Variants in PRKRA observed in about 807,000 individuals in gnomAD.
PRKRA encodes interferon-inducible double-stranded RNA-dependent protein kinase activator A.
PRKRA carries 22 observed loss-of-function variants against 32.4 expected under a neutral mutation model. The observed-to-expected ratio is 0.68, with a 90% CI of 0.49 to 0.97. PRKRA has a LOEUF of 0.97. Among genes scored for constraint, PRKRA ranks in the 50% least tolerant of loss-of-function variants. The pLI is 0.00. For missense variants in PRKRA, 319 were observed against 375.6 expected (o/e 0.85, Z 1.25); for synonymous variants, 139 against 129.8 (o/e 1.07, Z -0.48).
At chr2:178,443,199 C>A in intron 5 of PRKRA, 68 bp downstream of exon 5, 2 of 892,358 alleles carry the variant, frequency 2.2e-6, no homozygotes, top group Non-Finnish European at 3.2e-6. Context: ...AACATTACGA[C>A]AGAAATTTCG....
Position 178,450,811 on chromosome 2 carries a change from G to C in PRKRA, c.65+155C>G, listed in dbSNP as rs1029039066. The C allele has an allele frequency of 6.0e-6, 8 of 1,340,144 alleles. No homozygotes were observed. The East Asian group carries it at 2.2e-4, about 37-fold the overall frequency. 83.0% of individuals were successfully genotyped at this position (1,340,144 alleles called of 1,614,324 possible). ...GGCCCGGCCGCAGACCCCAACCCTC[G>C]CCGCCGAGAGGGCGGGGCCGAGCAC... On this transcript the variant is annotated intron_variant, in intron 1 of 7. Transcript: ENST00000325748.
chr2:178,451,144 C>G lies in PRKRA; in HGVS notation c.-114G>C. 7.9e-7 allele frequency: 1 copy of G among 1,261,540 alleles called. No homozygotes were observed. Among genetic ancestry groups the G allele is most frequent in the Non-Finnish European group, 1.1e-6 (1 of 928,094 alleles). 78.1% of individuals were successfully genotyped at this position (1,261,540 alleles called of 1,614,324 possible). A position where few individuals can be genotyped will look rare whatever the true frequency, so the allele number is the denominator to read the frequency against. On this transcript the variant is annotated 5_prime_UTR_variant, in exon 1 of 8. Coordinates refer to ENST00000325748, the MANE Select transcript of PRKRA (RefSeq NM_003690.5). ...CAGCGCCGCCACCTCCTCCGACTCC[C>G]CCGCCTCCTGCTTGCGTTGCTCCAG...
intron 1 of PRKRA, 69 bp from the exon 2 acceptor site, chr2:178,450,480 G>A: frequency 2.5e-6 from 4 of 1,610,228 alleles, no homozygotes; most frequent in Non-Finnish European, 3.4e-6. Context: ...GTAGAGGCCA[G>A]TTTTAACCGC....
In PRKRA at chr2:178,431,784, C is replaced by T. The variant is rs3997879; in HGVS notation, c.*313G>A. ...CTTAAGCACCAGTAAGAAAGACTGT[C>T]GCTAGCATTTTTATTTCATCATCAA... is the stretch of plus-strand genomic sequence containing the variant. On this transcript the variant is annotated 3_prime_UTR_variant, in exon 8 of 8. Transcript: ENST00000325748. 97,903 of 371,174 alleles carry T rather than the reference C, an allele frequency of 0.26. 9 individuals are homozygous for T. The highest frequency in any genetic ancestry group is 0.33 in the East Asian group (6,192 of 18,760). The allele number at this position is 371,174 out of a possible 1,614,324, so 23.0% of individuals were successfully genotyped here.
Position 178,436,328 on chromosome 2 carries a change from C to CA in PRKRA, c.610-10dup. ...TGTCCTACTACATTTGTCTGAAAAACAGAGATGAAGATTTAGACTCTTGAC... is the reference window on the plus strand; with the variant it reads ...TGTCCTACTACATTTGTCTGAAAAACAAGAGATGAAGATTTAGACTCTTGAC... On this transcript the variant is annotated splice_polypyrimidine_tract_variant and intron_variant, in intron 6 of 7. Transcript: ENST00000325748. 1.2e-6 allele frequency: 1 copy of CA among 834,794 alleles called. No individual in the cohort carries two copies. The highest frequency in any genetic ancestry group is 1.7e-6 in the Non-Finnish European group (1 of 580,100). The allele number at this position is 834,794 out of a possible 1,614,324, so 51.7% of individuals were successfully genotyped here.
chr2:178,435,159 G>A (rs1235658288), intron 7 of PRKRA, among the ~76,000 whole-genome samples: 1 of 151,690 alleles, frequency 6.6e-6, no homozygotes, highest in Admixed American at 6.6e-5. Flanking sequence ...AGAGGTTACA[G>A]TGAGCTGAGA....
intron 5 of PRKRA, among the ~76,000 whole-genome samples, chr2:178,442,006 C>T (rs1314753379): frequency 1.3e-5 from 2 of 151,888 alleles, no homozygotes; most frequent in Non-Finnish European, 2.9e-5. Context: ...CTGCTTCAGC[C>T]TCCCAAGTAG....
At chr2:178,447,453 TACCTC>T (rs1697363314) in intron 3 of PRKRA, 47 bp downstream of exon 3, 1 of 1,307,202 alleles carries the variant, frequency 7.6e-7, no homozygotes, top group East Asian at 4.4e-5. Flanking sequence ...TTTTTAATCT[TACCTC>T]AGCCATGATA....
intron 6 of PRKRA, among the ~76,000 whole-genome samples, chr2:178,438,644 A>G (rs1238433722): frequency 6.6e-6 from 1 of 151,132 alleles, no homozygotes; most frequent in Non-Finnish European, 1.5e-5. Context: ...ATAAACTTCA[A>G]TAAACGTGTA....
intron 1 of PRKRA, 164 bp from the exon 2 acceptor site, chr2:178,450,575 C>T (rs948468808): frequency 4.0e-6 from 6 of 1,506,290 alleles, no homozygotes; most frequent in African/African-American, 2.8e-5. Context: ...TCTTCCGGCC[C>T]CGCTGCGGCA....
chr2:178,435,936 A>T (rs924278418), intron 7 of PRKRA, among the ~76,000 whole-genome samples: 4 of 152,206 alleles, frequency 2.6e-5, no homozygotes, highest in African/African-American at 9.6e-5. Context: ...TTTTGTTATA[A>T]CTGTATAGAT....
At position 178,443,316 on chromosome 2, in the gene PRKRA, A is replaced by G; in HGVS notation, c.465T>C (p.His155=). 6.2e-7 allele frequency: 1 copy of G among 1,613,282 alleles called. No homozygotes were observed. Among genetic ancestry groups the G allele is most frequent in the Non-Finnish European group, 8.5e-7 (1 of 1,179,244 alleles). ...YTLSQEGGPA[H]KREYTTICRL... The stretch of plus-strand genomic sequence containing the variant: ...TGCAAATTGTAGTATATTCTCTCTT[A>G]TGAGCAGGTCCTCCCTCCTGGGAAA... Residue 155 remains histidine (H), a synonymous_variant, in exon 5 of 8, where the codon CAT becomes CAC. Transcript: ENST00000325748.
intron 7 of PRKRA, among the ~76,000 whole-genome samples, chr2:178,435,383 CAAAAA>C (rs765962501): frequency 3.3e-5 from 2 of 61,436 alleles, no homozygotes; most frequent in African/African-American, 5.9e-5. Flanking sequence ...TACTCCGTCT[CAAAAA>C]AAAAAAAAAA....
At chr2:178,450,564 G>C (rs1697549688) in intron 1 of PRKRA, 153 bp from the exon 2 acceptor site, 5 of 1,523,558 alleles carry the variant, frequency 3.3e-6, no homozygotes, top group Non-Finnish European at 4.4e-6. Flanking sequence ...GGGCGCACCT[G>C]TCTTCCGGCC....
chr2:178,447,388 G>T, intron 3 of PRKRA, 117 bp downstream of exon 3: 1 of 1,508,590 alleles, frequency 6.6e-7, no homozygotes. Flanking sequence ...AATAGAATTT[G>T]AGAGGTAGGA....
intron 1 of PRKRA, chr2:178,450,682 C>A: frequency 7.1e-7 from 1 of 1,416,088 alleles, no homozygotes; most frequent in South Asian, 1.6e-5. Context: ...CTGGCAGCAG[C>A]GCCGCAGCCT....
At chr2:178,443,793 G>C (rs2288321) in intron 4 of PRKRA, 20,457 of 193,614 alleles carry the variant, frequency 0.11, 1,440 homozygotes, top group East Asian at 0.34. Flanking sequence ...TGAGGAGTAG[G>C]GACAGCAAAC....
At chr2:178,446,547 A>G (rs1214071058) in intron 3 of PRKRA, among the ~76,000 whole-genome samples, 1 of 152,134 alleles carries the variant, frequency 6.6e-6, no homozygotes, top group Non-Finnish European at 1.5e-5. Context: ...ACCCATCCCA[A>G]ATTCCCTGGG....
rs763353420 is a variant in PRKRA, at chr2:178,447,496, T to G, written c.317+9A>C. 4.5e-5 allele frequency: 43 copies of G among 964,244 alleles called. No individual in the cohort carries two copies. The highest frequency in any genetic ancestry group is 7.3e-5 in the African/African-American group (4 of 54,534). 59.7% of individuals were successfully genotyped at this position (964,244 alleles called of 1,614,324 possible). On this transcript the variant is annotated intron_variant, in intron 3 of 7. Transcript: ENST00000325748. ...TTTGAGCTGCTGAATACAAAGAAATTTAGCTCACCAAATACTTGCATTGGC... is the reference window on the plus strand; with the variant it reads ...TTTGAGCTGCTGAATACAAAGAAATGTAGCTCACCAAATACTTGCATTGGC...
Sources: gnomAD v4.1 joint callset for allele counts (sites outside exome capture counted in the v4.1 genomes callset) on GRCh38, gnomAD v4.1.1 for gene constraint, MANE v1.5 for transcripts, NCBI Gene and HGNC (gene_info 2026-07-23, HGNC 2026-07-21) for gene names.